The following SLC2A9 variants were observed in gnomAD, a reference collection of about 807,000 sequenced individuals.
SLC2A9 encodes solute carrier family 2, facilitated glucose transporter member 9.
Under a neutral mutation model 50.6 loss-of-function variants are expected in SLC2A9, and 39 were observed. The observed-to-expected ratio is 0.77, with a 90% confidence interval of 0.60 to 1.01. SLC2A9 has a LOEUF of 1.01. Among genes scored for constraint, SLC2A9 ranks in the 50% least tolerant of loss-of-function variants. The probability of loss-of-function intolerance (pLI) is 0.00; values close to 1 mark genes in which losing one functional copy is unlikely to be tolerated. For synonymous variants in SLC2A9, 324 were observed against 276.9 expected (o/e 1.17, Z -1.69); for missense variants, 686 against 677.6 (o/e 1.01, Z -0.14).
chr4:10,031,624 TA>T (rs995071466), intron 1 of SLC2A9, among the ~76,000 whole-genome samples: 9 of 152,180 alleles, frequency 5.9e-5, no homozygotes, highest in African/African-American at 2.2e-4. Flanking sequence ...ATTTCATTTT[TA>T]AACAAAAAAG....
At chr4:10,035,419 C>T (rs1358501203) in intron 1 of SLC2A9, 1 of 152,292 alleles carries the variant, frequency 6.6e-6, no homozygotes, top group Non-Finnish European at 1.5e-5. Flanking sequence ...GGCATCCCAG[C>T]TCCTCTCAAT....
At chr4:10,002,839 C>G (rs960859292) in intron 2 of SLC2A9, among the ~76,000 whole-genome samples, 24 of 134,426 alleles carry the variant, frequency 1.8e-4, no homozygotes, top group Admixed American at 1.6e-3. Flanking sequence ...GGGGACTGAG[C>G]GAGACTCCAT....
chr4:10,036,325 A>C (rs1764104448), intron 1 of SLC2A9, among the ~76,000 whole-genome samples: 1 of 152,230 alleles, frequency 6.6e-6, no homozygotes, highest in Admixed American at 6.5e-5. Flanking sequence ...TGACCAAAAA[A>C]AAAGAATAAC....
rs146258459 is a variant in SLC2A9 at position 9,976,017 on chromosome 4, G to A, written c.681+4575C>T. 9.4e-3 allele frequency among the ~76,000 whole-genome samples: 1,437 copies of A among 152,272 alleles called. 27 individuals are homozygous for A. The highest frequency in any genetic ancestry group is 0.033 in the African/African-American group (1,386 of 41,556). ...AGGAACAGAAAACCAAACACTGCAT[G>A]TTCTCACTTATAAGTGGGAATTAAA... On this transcript the variant is annotated intron_variant, in intron 5 of 11. Transcript: ENST00000264784.
intron 11 of SLC2A9, among the ~76,000 whole-genome samples, chr4:9,827,671 T>A (rs897601447): frequency 7.9e-5 from 12 of 152,236 alleles, no homozygotes; most frequent in Admixed American, 6.5e-4. Flanking sequence ...ATGGTACATG[T>A]AGGGTTGTTG....
At position 9,878,147 on chromosome 4, in the gene SLC2A9, T is replaced by C. The variant is rs182640566; in HGVS notation, c.1291+9420A>G. 4.3e-3 allele frequency among the ~76,000 whole-genome samples: 643 copies of C among 151,204 alleles called. 6 individuals carry two copies. Among genetic ancestry groups the C allele is most frequent in the African/African-American group, 0.011 (437 of 41,294 alleles). ...CACTGTGGCATAACACACACACACA[T>C]ATATATATATATAAAATTGCAATAT... On this transcript the variant is annotated intron_variant, in intron 10 of 11. Coordinates refer to ENST00000264784, the MANE Select transcript of SLC2A9 (RefSeq NM_020041.3).
At chr4:9,832,153 T>A (rs1364974466) in intron 11 of SLC2A9, among the ~76,000 whole-genome samples, 6 of 152,190 alleles carry the variant, frequency 3.9e-5, no homozygotes, top group Non-Finnish European at 8.8e-5. Flanking sequence ...TGAGCTGGTT[T>A]TCAGAAGGGA....
intron 3 of SLC2A9, among the ~76,000 whole-genome samples, chr4:9,817,990 T>C (rs1483414015): frequency 2.0e-5 from 3 of 152,186 alleles, no homozygotes; most frequent in Non-Finnish European, 4.4e-5. Flanking sequence ...CTGTTTTGAG[T>C]GACTGCCTTC....
intron 10 of SLC2A9, among the ~76,000 whole-genome samples, chr4:9,860,752 G>A (rs1035369010): frequency 1.3e-5 from 2 of 152,276 alleles, no homozygotes; most frequent in African/African-American, 2.4e-5. Context: ...TATGAGTATC[G>A]ATTGTCTCCC....
rs544017062 is a variant in SLC2A9, at chr4:9,834,961, G to A, written c.1339C>T (p.Arg447Trp). 1.6e-5 allele frequency: 26 copies of A among 1,613,970 alleles called. No homozygotes were observed. In the Admixed American group the frequency reaches 1.8e-4, roughly 11 times the overall value. Residue 447 changes from arginine to tryptophan, a missense_variant, in exon 11 of 12, where the codon CGG (arginine) becomes TGG (tryptophan). By Grantham distance (101) the Arg-to-Trp change is moderately radical. Transcript: ENST00000264784. ...LTGEFFQQSQ[R>W]PAAFIIAGTV... ...CCTGCAATGATGAAGGCAGCCGGCC[G>A]CTGAGATTGCTGGAAGAACTCACCA... is the stretch of plus-strand genomic sequence containing the variant.
At chr4:9,897,730 A>G (rs1306005483) in intron 8 of SLC2A9, among the ~76,000 whole-genome samples, 1 of 152,156 alleles carries the variant, frequency 6.6e-6, no homozygotes, top group Non-Finnish European at 1.5e-5. Context: ...CTACTAAAAA[A>G]AATACAAAAA....
Position 9,981,277 on chromosome 4 carries a change from T to TA in SLC2A9, c.536-541_536-540insT, listed in dbSNP as rs1484571402. Among the ~76,000 whole-genome samples the TA allele has an allele frequency of 2.0e-4, 30 of 152,276 alleles. 1 individual carries two copies. Among genetic ancestry groups the TA allele is most frequent in the African/African-American group, 6.5e-4 (27 of 41,576 alleles). ...ATGATGATGATGGTGATAGTGGTGG[T>TA]GGTAGTAGTAATGGTTATGATAGTG... On this transcript the variant is annotated intron_variant, in intron 4 of 11. Coordinates refer to ENST00000264784, the MANE Select transcript of SLC2A9 (RefSeq NM_020041.3).
Position 9,782,510 on chromosome 4 carries a change from G to A in SLC2A9, n.386-2445C>T. The A allele has an allele frequency of 1.2e-6, 2 of 1,614,002 alleles. No homozygotes were observed. The highest frequency in any genetic ancestry group is 1.7e-5 in the Admixed American group (1 of 60,024). On this transcript the variant is annotated intron_variant and non_coding_transcript_variant, in intron 3 of 3. Transcript: ENST00000503803. Reference sequence around the variant, plus strand: ...GACTCAGCGCATGGCCTTGGTCATGGTCGGCCTGGCATGGACCTTGTCCAT... The same window carrying A: ...GACTCAGCGCATGGCCTTGGTCATGATCGGCCTGGCATGGACCTTGTCCAT...
intron 10 of SLC2A9, among the ~76,000 whole-genome samples, chr4:9,838,867 T>C (rs1158379259): frequency 6.6e-6 from 1 of 152,076 alleles, no homozygotes; most frequent in East Asian, 1.9e-4. Flanking sequence ...ATGGATTAAA[T>C]ACTTAAATGT....
intron 3 of SLC2A9, among the ~76,000 whole-genome samples, chr4:9,803,580 C>T (rs549458849): frequency 6.6e-6 from 1 of 152,320 alleles, no homozygotes; most frequent in Admixed American, 6.5e-5. Context: ...GTCCACTATC[C>T]ACCAGGAGAG....
intron 10 of SLC2A9, among the ~76,000 whole-genome samples, chr4:9,877,063 A>G (rs1315076845): frequency 1.3e-5 from 2 of 152,014 alleles, no homozygotes; most frequent in Non-Finnish European, 2.9e-5. Context: ...CTTGGTCCGG[A>G]GGATTAGAAA....
At chr4:9,962,323 C>T (rs1752388179) in intron 5 of SLC2A9, among the ~76,000 whole-genome samples, 1 of 152,138 alleles carries the variant, frequency 6.6e-6, no homozygotes, top group African/African-American at 2.4e-5. Flanking sequence ...AACCGAAATG[C>T]CTGTCAGTGA....
At chr4:9,876,231 C>T (rs1270075214) in intron 10 of SLC2A9, among the ~76,000 whole-genome samples, 1 of 152,118 alleles carries the variant, frequency 6.6e-6, no homozygotes, top group Non-Finnish European at 1.5e-5. Context: ...CACTGTTGTT[C>T]GTCCCAAGGG....
In SLC2A9 at chr4:9,893,589, TGAGGGAGG is replaced by T. The variant is rs1195191100; in HGVS notation, c.1114-2886_1114-2879del. Among the ~76,000 whole-genome samples, 3 of 129,360 alleles carry T rather than the reference TGAGGGAGG, an allele frequency of 2.3e-5. No individual in the cohort carries two copies. In the East Asian group the frequency reaches 7.2e-4, roughly 31 times the overall value. 84.9% of individuals were successfully genotyped at this position (129,360 alleles called of 152,430 possible). A position where few individuals can be genotyped will look rare whatever the true frequency, so the allele number is the denominator to read the frequency against. On this transcript the variant is annotated intron_variant, in intron 8 of 11. Coordinates refer to ENST00000264784, the MANE Select transcript of SLC2A9 (RefSeq NM_020041.3). ...GAGAATGAGGGAGGGAGGGAGGGAGTGAGGGAGGGAGGGAGACACAGAGAAACCTGCAT... is the reference window on the plus strand; with the variant it reads ...GAGAATGAGGGAGGGAGGGAGGGAGTGAGGGAGACACAGAGAAACCTGCAT...
Sources: allele counts gnomAD v4.1 joint callset (sites outside exome capture counted in the v4.1 genomes callset), GRCh38; gene constraint gnomAD v4.1.1; transcripts MANE v1.5; gene names NCBI Gene and HGNC (gene_info 2026-07-23, HGNC 2026-07-21).